The following NOTCH2 variants were observed in gnomAD, a reference collection of about 807,000 sequenced individuals.
NOTCH2 encodes notch receptor 2, also known as neurogenic locus notch homolog protein 2.
A neutral mutation model predicts 235.8 loss-of-function variants in NOTCH2; 29 were observed. The observed-to-expected ratio is 0.12, with a 90% CI of 0.09 to 0.17. NOTCH2 has a LOEUF of 0.17. Ranked by LOEUF, NOTCH2 falls within the 10% of genes least tolerant of loss-of-function variation. NOTCH2 has a pLI of 1.00. For synonymous variants in NOTCH2, 1,086 were observed against 1,141.5 expected (o/e 0.95, Z 0.98); for missense variants, 2,285 against 3,150.2 (o/e 0.73, Z 6.57).
chr1:119,930,704 G>A (rs1553194974), intron 22 of NOTCH2, among the ~76,000 whole-genome samples: 1 of 151,760 alleles, frequency 6.6e-6, no homozygotes, highest in African/African-American at 2.4e-5. Context: ...ACTTGAAACC[G>A]GGAGATGAAG....
intron 10 of NOTCH2, 102 bp from the exon 11 acceptor site, chr1:119,963,909 T>TAGA: frequency 2.0e-6 from 2 of 1,006,522 alleles, no homozygotes; most frequent in South Asian, 1.3e-5. Context: ...ATTCGATGTG[T>TAGA]GGTCAATTAA....
In NOTCH2 at chr1:120,069,619, C is replaced by T. The variant is rs868911954; in HGVS notation, c.-213G>A. 1,047 of 1,405,940 alleles carry T rather than the reference C, an allele frequency of 7.4e-4. 1 individual carries two copies. Among genetic ancestry groups the T allele is most frequent in the Middle Eastern group, 4.7e-3 (18 of 3,830 alleles). The allele number at this position is 1,405,940 out of a possible 1,614,324, so 87.1% of individuals were successfully genotyped here. ...CTCGGCCGCCGCCTCAGCCGCCGCC[C>T]GAAGTTTGGCTGAAACTTTCTCGGG... On this transcript the variant is annotated 5_prime_UTR_variant, in exon 1 of 34. Transcript: ENST00000256646.
intron 13 of NOTCH2, among the ~76,000 whole-genome samples, 187 bp downstream of exon 13, chr1:119,954,853 T>TA (rs1650622022): frequency 1.3e-5 from 2 of 152,208 alleles, no homozygotes; most frequent in Admixed American, 1.3e-4. Flanking sequence ...GGTCCTCACT[T>TA]ATGGAAGGGA....
intron 29 of NOTCH2, 87 bp downstream of exon 29, chr1:119,921,626 T>C (rs1649286658): frequency 2.3e-5 from 25 of 1,087,120 alleles, no homozygotes; most frequent in Non-Finnish European, 3.6e-5. Context: ...TTTACTCCCA[T>C]TCAGGACACT....
At chr1:119,953,931 T>A (rs1025864063) in intron 13 of NOTCH2, among the ~76,000 whole-genome samples, 1 of 152,214 alleles carries the variant, frequency 6.6e-6, no homozygotes, top group Non-Finnish European at 1.5e-5. Context: ...AAATTTCTTA[T>A]GTAAACAATG....
intron 1 of NOTCH2, among the ~76,000 whole-genome samples, chr1:120,067,451 T>A (rs1257359209): frequency 1.3e-5 from 2 of 152,194 alleles, no homozygotes; most frequent in African/African-American, 4.8e-5. Flanking sequence ...AAGCCCTATG[T>A]GTCAGAGTAA....
chr1:119,934,034 C>T (rs1483469165), intron 22 of NOTCH2, among the ~76,000 whole-genome samples: 2 of 152,176 alleles, frequency 1.3e-5, no homozygotes, highest in Non-Finnish European at 2.9e-5. Context: ...AAAGGTAGCC[C>T]AACACATATT....
At chr1:120,000,003 GGAAGGAAGGA>G in intron 3 of NOTCH2, among the ~76,000 whole-genome samples, 2 of 149,248 alleles carry the variant, frequency 1.3e-5, no homozygotes, top group African/African-American at 5.0e-5. Flanking sequence ...AAGGAAGGAA[GGAAGGAAGGA>G]AGGGAGAAAG....
intron 2 of NOTCH2, among the ~76,000 whole-genome samples, chr1:120,009,296 A>G (rs2101254464): frequency 6.6e-6 from 1 of 150,828 alleles, no homozygotes; most frequent in East Asian, 1.9e-4. Flanking sequence ...GAGGTACAAC[A>G]GACTTACTCT....
Position 119,914,082 on chromosome 1 carries a change from G to A in NOTCH2, c.*1224C>T. On this transcript the variant is annotated 3_prime_UTR_variant, in exon 34 of 34. Transcript: ENST00000256646. ...TGACAAACGGAAGACAACTGTCACT[G>A]GGTCCCTTGGGCTAAGGAAAGTTCA... The A allele has an allele frequency of 4.3e-6, 1 of 233,224 alleles. No homozygotes were observed. The allele number at this position is 233,224 out of a possible 1,614,324, so 14.4% of individuals were successfully genotyped here.
intron 13 of NOTCH2, among the ~76,000 whole-genome samples, chr1:119,954,454 A>T (rs1468427261): frequency 2.0e-5 from 3 of 152,244 alleles, no homozygotes; most frequent in Non-Finnish European, 4.4e-5. Flanking sequence ...GCAAAGGAAA[A>T]TGTCCAAAGC....
At chr1:119,919,241 T>C in intron 31 of NOTCH2, 71 bp downstream of exon 31, 1 of 1,440,332 alleles carries the variant, frequency 6.9e-7, no homozygotes, top group Admixed American at 1.7e-5. Context: ...AGATATTAAT[T>C]CTTTAAAAAC....
In NOTCH2 at chr1:120,069,604, G is replaced by A. The variant is rs1655691058; in HGVS notation, c.-198C>T. ...CCGAGTCCGCCGCTCCTCGGCCGCCGCCTCAGCCGCCGCCCGAAGTTTGGC... is the reference window on the plus strand; with the variant it reads ...CCGAGTCCGCCGCTCCTCGGCCGCCACCTCAGCCGCCGCCCGAAGTTTGGC... On this transcript the variant is annotated 5_prime_UTR_variant, in exon 1 of 34. Coordinates refer to ENST00000256646, the MANE Select transcript of NOTCH2 (RefSeq NM_024408.4). The A allele has an allele frequency of 3.0e-5, 42 of 1,408,194 alleles. No individual in the cohort carries two copies. Among genetic ancestry groups the A allele is most frequent in the Non-Finnish European group, 3.7e-5 (40 of 1,090,240 alleles). 87.2% of individuals were successfully genotyped at this position (1,408,194 alleles called of 1,614,324 possible).
intron 6 of NOTCH2, among the ~76,000 whole-genome samples, chr1:119,968,562 T>C (rs1487761729): frequency 3.3e-5 from 5 of 152,202 alleles, no homozygotes; most frequent in Non-Finnish European, 5.9e-5. Flanking sequence ...GCAAATAAAA[T>C]AGAGGATGTC....
chr1:119,940,285 A>C (rs1256503432), intron 19 of NOTCH2, among the ~76,000 whole-genome samples: 1 of 152,226 alleles, frequency 6.6e-6, no homozygotes, highest in Non-Finnish European at 1.5e-5. Flanking sequence ...CAAAAAACAA[A>C]AAACAAAAAT....
chr1:119,941,701 G>A lies in NOTCH2; in HGVS notation c.2806C>T (p.Leu936Phe). 6.2e-7 allele frequency: 1 copy of A among 1,614,174 alleles called. No individual in the cohort carries two copies. Among genetic ancestry groups the A allele is most frequent in the Non-Finnish European group, 8.5e-7 (1 of 1,180,022 alleles). ...TCCCCAGTGAAACCCGGAAGGCAGA[G>A]GCAGGAGAAAGTATTCACTCCATCC... ...CMDGVNTFSC[L>F]CLPGFTGDKC... is the part of the protein sequence containing the mutation. The change falls in exon 18 of 34, where the codon CTC becomes TTC. Residue 936 changes from leucine to phenylalanine, a missense_variant. Physicochemically the swap from Leu to Phe is conservative, Grantham distance 22 (BLOSUM62 0). Transcript: ENST00000256646.
chr1:120,042,604 T>G (rs1193242695), intron 1 of NOTCH2, among the ~76,000 whole-genome samples: 1 of 137,926 alleles, frequency 7.3e-6, no homozygotes, highest in Non-Finnish European at 1.5e-5. Context: ...AAGGATTTAG[T>G]AAATGTGGTT....
intron 16 of NOTCH2, 76 bp downstream of exon 16, chr1:119,948,931 A>C: frequency 6.3e-7 from 1 of 1,584,444 alleles, no homozygotes; most frequent in South Asian, 1.1e-5. Context: ...AGGGCCTTCC[A>C]TATGATCTGA....
At chr1:120,005,773 C>T (rs1390195902) in intron 2 of NOTCH2, among the ~76,000 whole-genome samples, 185 bp from the exon 3 acceptor site, 2 of 89,262 alleles carry the variant, frequency 2.2e-5, no homozygotes, top group Non-Finnish European at 4.6e-5. Context: ...CACATACTCC[C>T]ATGTCCTTTT....
Sources: allele counts gnomAD v4.1 joint callset (sites outside exome capture counted in the v4.1 genomes callset), GRCh38; gene constraint gnomAD v4.1.1; transcripts MANE v1.5; gene names NCBI Gene and HGNC (gene_info 2026-07-23, HGNC 2026-07-21).